Variants in CEP57 observed in about 807,000 individuals in gnomAD.
CEP57 encodes centrosomal protein of 57 kDa.
CEP57 carries 40 observed loss-of-function variants against 68.0 expected under a neutral mutation model. That is an observed-to-expected ratio of 0.59 (90% CI 0.46 to 0.77). CEP57 has a LOEUF of 0.77. Ranked by LOEUF, CEP57 falls within the 30% of genes least tolerant of loss-of-function variation. The probability of loss-of-function intolerance (pLI) is 0.00; values close to 1 mark genes in which losing one functional copy is unlikely to be tolerated. For missense variants in CEP57, 606 were observed against 580.7 expected (o/e 1.04, Z -0.45); for synonymous variants, 219 against 198.7 (o/e 1.10, Z -0.86).
At chr11:95,803,497 G>T (rs948614165) in intron 2 of CEP57, among the ~76,000 whole-genome samples, 2 of 152,028 alleles carry the variant, frequency 1.3e-5, no homozygotes, top group African/African-American at 4.8e-5. Context: ...AGTCAGAAAG[G>T]TGGAGAACTA....
At position 95,812,917 on chromosome 11, in the gene CEP57, G is replaced by GTTTGTA. The variant is rs1281541398; in HGVS notation, c.203-10_203-5dup. 2 of 1,612,870 alleles carry GTTTGTA rather than the reference G, an allele frequency of 1.2e-6. No homozygotes were observed. Among genetic ancestry groups the GTTTGTA allele is most frequent in the Admixed American group, 1.7e-5 (1 of 59,998 alleles). The stretch of plus-strand genomic sequence containing the variant: ...ATGCTGTTACAGCATCCACGTTTGT[G>GTTTGTA]TTTGTATTTGGCAGCCATATTTTCT... On this transcript the variant is annotated splice_polypyrimidine_tract_variant and intron_variant, in intron 2 of 10. Transcript: ENST00000325542.
chr11:95,797,618 G>A (rs954222802), intron 1 of CEP57, among the ~76,000 whole-genome samples: 4 of 152,090 alleles, frequency 2.6e-5, no homozygotes, highest in African/African-American at 4.8e-5. Flanking sequence ...AATTCTAGGA[G>A]TTTTTGAATC....
intron 2 of CEP57, among the ~76,000 whole-genome samples, chr11:95,809,572 C>T (rs1294663409): frequency 6.6e-6 from 1 of 152,190 alleles, no homozygotes; most frequent in East Asian, 1.9e-4. Flanking sequence ...CTATAAACAT[C>T]TCTACGCAAA....
chr11:95,791,123 GC>G (rs1373095686), intron 1 of CEP57, among the ~76,000 whole-genome samples: 1 of 152,190 alleles, frequency 6.6e-6, no homozygotes, highest in Admixed American at 6.5e-5. Context: ...ATCAGGTGAG[GC>G]GCGCCAGTGT....
chr11:95,816,354 A>G (rs1197077851), intron 4 of CEP57, among the ~76,000 whole-genome samples: 2 of 152,180 alleles, frequency 1.3e-5, no homozygotes, highest in East Asian at 1.9e-4. Context: ...GGGGATTACA[A>G]TTTGGATTAC....
intron 10 of CEP57, 63 bp downstream of exon 10, chr11:95,829,394 A>C: frequency 1.4e-6 from 2 of 1,470,426 alleles, no homozygotes; most frequent in South Asian, 1.1e-5. Flanking sequence ...CTTTAATTCA[A>C]ATATTAAATG....
At chr11:95,801,897 T>C (rs1340098025) in intron 2 of CEP57, among the ~76,000 whole-genome samples, 1 of 152,170 alleles carries the variant, frequency 6.6e-6, no homozygotes, top group African/African-American at 2.4e-5. Flanking sequence ...TAGAGCATGA[T>C]GCGGTGAACT....
In CEP57 at chr11:95,828,360, A is replaced by G. The variant is rs188672210; in HGVS notation, c.1127+333A>G. On this transcript the variant is annotated intron_variant, in intron 9 of 10. Transcript: ENST00000325542. ...GCGATTTTCTTTTCCTTGTGCTAAC[A>G]TAAGAGTGTGCTAAGCTTATAGCTT... Among the ~76,000 whole-genome samples the G allele has an allele frequency of 5.3e-5, 8 of 152,358 alleles. No homozygotes were observed. The East Asian group carries it at 5.8e-4, about 11-fold the overall frequency.
At chr11:95,812,148 G>T (rs1450602360) in intron 2 of CEP57, among the ~76,000 whole-genome samples, 1 of 152,092 alleles carries the variant, frequency 6.6e-6, no homozygotes. Flanking sequence ...GATTTTAAAA[G>T]TATTATTTTT....
At chr11:95,828,518 G>A (rs602512) in intron 9 of CEP57, among the ~76,000 whole-genome samples, 42,495 of 151,846 alleles carry the variant, frequency 0.28, 7,118 homozygotes, top group Non-Finnish European at 0.38. Context: ...AAAGTCTTAC[G>A]GGACCACTGT....
rs1361128223 is a variant in CEP57 at position 95,813,066 on chromosome 11, C to G, written c.337C>G (p.Gln113Glu). The part of the protein sequence containing the change: ...EYKKVLDEQI[Q>E]ERENSKNEES... Reference sequence around the variant, plus strand: ...TAAGAAAGTACTGGATGAACAGATACAAGAAAGGGAGAATTCAAAGAATGA... The same window carrying G: ...TAAGAAAGTACTGGATGAACAGATAGAAGAAAGGGAGAATTCAAAGAATGA... Residue 113 changes from glutamine (Q) to glutamate (E), a missense_variant, in exon 3 of 11, where the codon CAA becomes GAA. Coordinates refer to ENST00000325542, the MANE Select transcript of CEP57 (RefSeq NM_014679.5). The G allele has an allele frequency of 3.7e-6, 6 of 1,613,246 alleles. No individual in the cohort carries two copies. The highest frequency in any genetic ancestry group is 5.1e-6 in the Non-Finnish European group (6 of 1,179,918).
At chr11:95,811,069 G>C (rs1862039996) in intron 2 of CEP57, among the ~76,000 whole-genome samples, 1 of 152,176 alleles carries the variant, frequency 6.6e-6, no homozygotes, top group Admixed American at 6.5e-5. Flanking sequence ...ATTTGACCCA[G>C]CCATCCCATT....
chr11:95,818,838 A>G lies in CEP57; in HGVS notation c.633A>G (p.Gln211=), dbSNP rs200535773. Residue 211 remains glutamine, a synonymous_variant, in exon 6 of 11, where the codon CAA becomes CAG. Transcript: ENST00000325542. ...TMQALAEKKM[Q]ELEAKLHEEE... ...ATTTTTATCACTAGAAAAAAATGCA[A>G]GAGTTGGAAGCAAAACTCCATGAAG... The G allele has an allele frequency of 2.2e-5, 36 of 1,613,952 alleles. 1 individual carries two copies. The East Asian group carries it at 7.8e-4, about 35-fold the overall frequency.
chr11:95,814,377 T>TTTG (rs1862209100), intron 4 of CEP57, among the ~76,000 whole-genome samples: 2 of 148,952 alleles, frequency 1.3e-5, no homozygotes, highest in Non-Finnish European at 1.5e-5. Flanking sequence ...TTTTTTTTTT[T>TTTG]GAGACGGAGT....
At chr11:95,806,111 G>T (rs1185816433) in intron 2 of CEP57, among the ~76,000 whole-genome samples, 1 of 152,178 alleles carries the variant, frequency 6.6e-6, no homozygotes, top group African/African-American at 2.4e-5. Context: ...CACAAAGCCA[G>T]CTTGCTTTTC....
At chr11:95,795,059 C>T (rs1861283111) in intron 1 of CEP57, among the ~76,000 whole-genome samples, 1 of 152,132 alleles carries the variant, frequency 6.6e-6, no homozygotes, top group Non-Finnish European at 1.5e-5. Context: ...GGGTCATTTA[C>T]CTCCTTGTTA....
chr11:95,791,570 G>C (rs1199753330), intron 1 of CEP57, among the ~76,000 whole-genome samples: 41 of 152,186 alleles, frequency 2.7e-4, no homozygotes, highest in Admixed American at 2.7e-3. Flanking sequence ...TAGAAACCCT[G>C]CTTTGAAGGA....
intron 1 of CEP57, among the ~76,000 whole-genome samples, chr11:95,798,618 C>T (rs1403831699): frequency 6.6e-6 from 1 of 152,144 alleles, no homozygotes; most frequent in Non-Finnish European, 1.5e-5. Context: ...GTTAGCATCT[C>T]CTGGGTTGAA....
At chr11:95,806,611 G>C (rs184420178) in intron 2 of CEP57, among the ~76,000 whole-genome samples, 37 of 152,298 alleles carry the variant, frequency 2.4e-4, no homozygotes, top group Admixed American at 2.4e-3. Context: ...TGCCCATGGA[G>C]CCTCACTCAC....
Sources: allele counts gnomAD v4.1 joint callset (sites outside exome capture counted in the v4.1 genomes callset), GRCh38; gene constraint gnomAD v4.1.1; transcripts MANE v1.5; gene names NCBI Gene and HGNC (gene_info 2026-07-23, HGNC 2026-07-21).